The following LSG1 variants were observed in gnomAD, a reference collection of about 807,000 sequenced individuals.
The protein encoded by LSG1 is large subunit GTPase 1 homolog.
A neutral mutation model predicts 82.6 loss-of-function variants in LSG1; 55 were observed. The observed-to-expected ratio is 0.67, with a 90% CI of 0.54 to 0.83. LSG1 has a LOEUF of 0.83. Among genes scored for constraint, LSG1 ranks in the 40% least tolerant of loss-of-function variants. The probability of loss-of-function intolerance (pLI) is 0.00; values close to 1 mark genes in which losing one functional copy is unlikely to be tolerated. For missense variants in LSG1, 809 were observed against 807.9 expected (o/e 1.00, Z -0.02); for synonymous variants, 272 against 282.5 (o/e 0.96, Z 0.37).
chr3:194,672,148 T>C lies in LSG1; in HGVS notation c.15A>G (p.Arg5=), dbSNP rs760568884. 6.2e-7 allele frequency: 1 copy of C among 1,603,076 alleles called. No homozygotes were observed. Among genetic ancestry groups the C allele is most frequent in the Non-Finnish European group, 8.5e-7 (1 of 1,179,362 alleles). ...GTCCCAGCGACCCACCGGCCGGGGC[T>C]CTCCTCCGGCCCATGGCAACACGAC... MGRR[R]APAGGSLGRA... is the part of the protein sequence containing the mutation. Residue 5 remains arginine (R), a synonymous_variant, in exon 1 of 14, where the codon AGA becomes AGG. Coordinates refer to ENST00000265245, the MANE Select transcript of LSG1 (RefSeq NM_018385.3).
At position 194,640,841 on chromosome 3, in the gene LSG1, G is replaced by A. The variant is rs1206539456; in HGVS notation, c.*1227C>T. 3.3e-5 allele frequency: 5 copies of A among 152,300 alleles called. No individual in the cohort carries two copies. Among genetic ancestry groups the A allele is most frequent in the Admixed American group, 3.3e-4 (5 of 15,270 alleles). 9.4% of individuals were successfully genotyped at this position (152,300 alleles called of 1,614,324 possible). On this transcript the variant is annotated 3_prime_UTR_variant, in exon 14 of 14. Transcript: ENST00000265245. ...GCTCACGGTCCTGTAGATGGTACAG[G>A]AAGCACAGCAGCTTTTGCTTCTAGG...
intron 12 of LSG1, 32 bp from the exon 13 acceptor site, chr3:194,644,778 G>C (rs759413843): frequency 1.5e-5 from 23 of 1,553,160 alleles, no homozygotes; most frequent in Non-Finnish European, 1.9e-5. Flanking sequence ...CAACAGTGCA[G>C]CCTAAGTGCC....
At chr3:194,669,982 A>C in intron 2 of LSG1, 27 bp downstream of exon 2, 1 of 1,611,332 alleles carries the variant, frequency 6.2e-7, no homozygotes, top group Non-Finnish European at 8.5e-7. Context: ...TGACAGTCTC[A>C]CCTGCACTCA....
chr3:194,650,932 G>C lies in LSG1; in HGVS notation c.1368C>G (p.Ser456Arg). 2.5e-6 allele frequency: 4 copies of C among 1,614,122 alleles called. No individual in the cohort carries two copies. Reference sequence around the variant, plus strand: ...TCATCTGATCAATTGGGAGGATTCCGCTGCAAGTCATTTCTGCCTTGGTAG... The same window carrying C: ...TCATCTGATCAATTGGGAGGATTCCCCTGCAAGTCATTTCTGCCTTGGTAG... The part of the protein sequence containing the change: ...FVSTKAEMTC[S>R]GILPIDQMRD... Residue 456 changes from serine (S) to arginine (R), a missense_variant, in exon 10 of 14, where the codon AGC becomes AGG. Transcript: ENST00000265245.
intron 8 of LSG1, among the ~76,000 whole-genome samples, chr3:194,652,364 A>G (rs1718692511): frequency 1.3e-5 from 2 of 152,244 alleles, no homozygotes; most frequent in African/African-American, 4.8e-5. Flanking sequence ...CATTTACAGC[A>G]TAAGCTGGCA....
chr3:194,667,942 A>ATATATATATAT (rs1553846962), intron 2 of LSG1, among the ~76,000 whole-genome samples: 1 of 86,960 alleles, frequency 1.1e-5, no homozygotes, highest in African/African-American at 4.8e-5. Flanking sequence ...AAAAAAAAAA[A>ATATATATATAT]ATATATATAT....
chr3:194,670,887 T>C (rs951800321), intron 1 of LSG1, among the ~76,000 whole-genome samples: 4 of 151,932 alleles, frequency 2.6e-5, no homozygotes, highest in African/African-American at 9.7e-5. Context: ...TGTGATCAGC[T>C]TGGGCAACAC....
chr3:194,644,736 A>G lies in LSG1; in HGVS notation c.1634T>C (p.Leu545Pro), dbSNP rs1384994443. Residue 545 changes from leucine to proline, a missense_variant, in exon 13 of 14, where the codon CTG becomes CCG. By Grantham distance (98) the Leu-to-Pro change is moderately conservative. Coordinates refer to ENST00000265245, the MANE Select transcript of LSG1 (RefSeq NM_018385.3). Reference sequence around the variant, plus strand: ...TCTTCCAGGAGGAGGATGGCAGTACAGCAGCTTACCCTACAAAGACAACAT... The same window carrying G: ...TCTTCCAGGAGGAGGATGGCAGTACGGCAGCTTACCCTACAAAGACAACAT... ...ILKDYVSGKL[L>P]YCHPPPGRDP... 1.2e-6 allele frequency: 2 copies of G among 1,604,864 alleles called. No homozygotes were observed. The highest frequency in any genetic ancestry group is 1.3e-5 in the African/African-American group (1 of 74,744).
At chr3:194,656,073 T>C (rs1480703469) in intron 7 of LSG1, among the ~76,000 whole-genome samples, 1 of 151,972 alleles carries the variant, frequency 6.6e-6, no homozygotes, top group Non-Finnish European at 1.5e-5. Flanking sequence ...GGCAATACCA[T>C]TCAGGACACA....
chr3:194,662,262 A>C (rs1396472027), intron 5 of LSG1, among the ~76,000 whole-genome samples: 1 of 152,196 alleles, frequency 6.6e-6, no homozygotes, highest in Non-Finnish European at 1.5e-5. Flanking sequence ...CCAATAGCAG[A>C]AGGCTAGGGT....
intron 2 of LSG1, among the ~76,000 whole-genome samples, chr3:194,667,010 C>G (rs1719043512): frequency 6.6e-6 from 1 of 152,044 alleles, no homozygotes; most frequent in Admixed American, 6.5e-5. Flanking sequence ...GGGGTAGATG[C>G]TGAGAAGTAG....
At chr3:194,653,231 A>AT in intron 7 of LSG1, 89 bp from the exon 8 acceptor site, 4 of 1,376,044 alleles carry the variant, frequency 2.9e-6, no homozygotes, top group Non-Finnish European at 4.0e-6. Context: ...TGGACAGAGG[A>AT]TGGCTGGGCG....
At chr3:194,667,086 A>G (rs1038226096) in intron 2 of LSG1, among the ~76,000 whole-genome samples, 2 of 151,360 alleles carry the variant, frequency 1.3e-5, no homozygotes, top group African/African-American at 4.9e-5. Context: ...TTTTTTTGAG[A>G]CAGAGTCTCA....
At chr3:194,658,148 G>T (rs749082506) in intron 7 of LSG1, among the ~76,000 whole-genome samples, 1 of 152,018 alleles carries the variant, frequency 6.6e-6, no homozygotes, top group Non-Finnish European at 1.5e-5. Flanking sequence ...CATAGCTGTT[G>T]TTATTATTAT....
At chr3:194,658,229 C>A (rs1718847922) in intron 7 of LSG1, among the ~76,000 whole-genome samples, 1 of 152,146 alleles carries the variant, frequency 6.6e-6, no homozygotes, top group Admixed American at 6.6e-5. Flanking sequence ...TTCACTACAA[C>A]CTCCGCCTCC....
At chr3:194,666,011 G>A (rs968586262) in intron 4 of LSG1, among the ~76,000 whole-genome samples, 192 bp downstream of exon 4, 2 of 152,212 alleles carry the variant, frequency 1.3e-5, no homozygotes, top group Non-Finnish European at 1.5e-5. Flanking sequence ...ACCAACTCAC[G>A]ATCTCTGTGC....
intron 4 of LSG1, 97 bp downstream of exon 4, chr3:194,666,106 A>G: frequency 9.3e-7 from 1 of 1,073,560 alleles, no homozygotes; most frequent in Non-Finnish European, 1.4e-6. Flanking sequence ...CCTTCTTAAA[A>G]GAATCAAAAC....
intron 2 of LSG1, among the ~76,000 whole-genome samples, chr3:194,667,064 T>C (rs985190881): frequency 6.6e-6 from 1 of 151,760 alleles, no homozygotes; most frequent in Non-Finnish European, 1.5e-5. Flanking sequence ...TTGCTTTCTT[T>C]GTCTTCTGTT....
At chr3:194,668,713 AATGAAATCTCATGTACCC>A (rs936094957) in intron 2 of LSG1, among the ~76,000 whole-genome samples, 5 of 152,326 alleles carry the variant, frequency 3.3e-5, no homozygotes, top group African/African-American at 9.6e-5. Context: ...TCTTTTAAAA[AATGAAATCTCATGTACCC>A]ATGAGACATA....
Sources: gnomAD v4.1 joint callset for allele counts (sites outside exome capture counted in the v4.1 genomes callset) on GRCh38, gnomAD v4.1.1 for gene constraint, MANE v1.5 for transcripts, NCBI Gene and HGNC (gene_info 2026-07-23, HGNC 2026-07-21) for gene names.